The following CAST variants were observed in gnomAD, a reference collection of about 807,000 sequenced individuals.
CAST encodes the protein MIR583 host.
A neutral mutation model predicts 119.6 loss-of-function variants in CAST; 76 were observed. That is an observed-to-expected ratio of 0.64 (90% CI 0.53 to 0.77). CAST has a LOEUF of 0.77. Among genes scored for constraint, CAST ranks in the 30% least tolerant of loss-of-function variants. The pLI is 0.00. For missense variants in CAST, 953 were observed against 946.5 expected (o/e 1.01, Z -0.09); for synonymous variants, 319 against 331.6 (o/e 0.96, Z 0.41).
intron 1 of CAST, among the ~76,000 whole-genome samples, chr5:96,644,567 A>G (rs776909940): frequency 1.7e-4 from 26 of 152,226 alleles, no homozygotes; most frequent in Non-Finnish European, 3.2e-4. Context: ...TGCAGGTGGT[A>G]TGGAGAATCC....
the CAST span, among the ~76,000 whole-genome samples, chr5:96,481,337 A>C: frequency 1.3e-5 from 2 of 152,184 alleles, no homozygotes; most frequent in Admixed American, 1.3e-4. Context: ...TAGATCCTTT[A>C]AACACAGTTT....
intron 1 of CAST, among the ~76,000 whole-genome samples, chr5:96,589,124 C>T (rs1242220978): frequency 2.6e-5 from 4 of 152,024 alleles, no homozygotes; most frequent in African/African-American, 9.7e-5. Context: ...ATTTAATTTA[C>T]ATTACTCTAA....
chr5:96,088,497 T>C, the CAST span, among the ~76,000 whole-genome samples: 1 of 152,188 alleles, frequency 6.6e-6, no homozygotes, highest in South Asian at 2.1e-4. Context: ...AGAGAATGTG[T>C]GGCGGCAGAA....
chr5:96,363,473 A>C, the CAST span, among the ~76,000 whole-genome samples: 1 of 152,088 alleles, frequency 6.6e-6, no homozygotes, highest in Non-Finnish European at 1.5e-5. Flanking sequence ...ATGAGCATGG[A>C]GTGTTCTTCC....
At chr5:96,217,549 A>G in the CAST span, among the ~76,000 whole-genome samples, 1 of 152,140 alleles carries the variant, frequency 6.6e-6, no homozygotes, top group Admixed American at 6.6e-5. Context: ...GCAATGAAAA[A>G]GGCAAATTAT....
At chr5:96,620,033 C>G (rs1287830648) in intron 1 of CAST, among the ~76,000 whole-genome samples, 1 of 152,146 alleles carries the variant, frequency 6.6e-6, no homozygotes, top group East Asian at 1.9e-4. Context: ...AGAGACAATG[C>G]ATGTTAAATG....
the CAST span, among the ~76,000 whole-genome samples, chr5:96,477,759 C>T: frequency 5.9e-5 from 9 of 152,192 alleles, no homozygotes; most frequent in Middle Eastern, 3.4e-3. Context: ...TTGCAAGTGC[C>T]GTGTTGGAAC....
At chr5:95,965,518 C>T in the CAST span, among the ~76,000 whole-genome samples, 1 of 152,188 alleles carries the variant, frequency 6.6e-6, no homozygotes, top group Non-Finnish European at 1.5e-5. Context: ...AAGGCAATGG[C>T]TTCTGTTACA....
At chr5:96,579,773 A>C (rs966835535) in intron 1 of CAST, among the ~76,000 whole-genome samples, 2 of 152,230 alleles carry the variant, frequency 1.3e-5, no homozygotes, top group Admixed American at 1.3e-4. Flanking sequence ...ACAAATTTAC[A>C]ACATCTTGTC....
chr5:96,110,083 A>T, the CAST span, among the ~76,000 whole-genome samples: 8 of 152,216 alleles, frequency 5.3e-5, no homozygotes, highest in Non-Finnish European at 8.8e-5. Flanking sequence ...GTTGACTAAG[A>T]TACATCTCCA....
chr5:96,006,728 T>G, the CAST span, among the ~76,000 whole-genome samples: 3 of 152,224 alleles, frequency 2.0e-5, no homozygotes, highest in Non-Finnish European at 4.4e-5. Context: ...GGATTGACCT[T>G]GAAGCAAAAC....
At chr5:96,593,269 A>C (rs1336894799) in intron 1 of CAST, among the ~76,000 whole-genome samples, 1 of 152,282 alleles carries the variant, frequency 6.6e-6, no homozygotes. Context: ...TTGAAGCTTC[A>C]GCTCCAGCGT....
At position 96,766,087 on chromosome 5, in the gene CAST, G is replaced by A. The variant is rs1432572426; in HGVS notation, c.2072G>A (p.Gly691Glu). ...AAAGCTGAACATAGAGACAAGCTTG[G>A]AGAAAGAGATGACACTATCCCACCT... ...KAKAEHRDKL[G>E]ERDDTIPPEY... The change falls in exon 27 of 32, where the codon GGA becomes GAA. Residue 691 changes from glycine to glutamate, a missense_variant. By Grantham distance (98) the Gly-to-Glu change is moderately conservative. Transcript: ENST00000675179. 4.3e-6 allele frequency: 7 copies of A among 1,611,084 alleles called. No homozygotes were observed. In the Middle Eastern group the frequency reaches 4.9e-4, roughly 114 times the overall value.
At chr5:95,976,216 C>A in the CAST span, among the ~76,000 whole-genome samples, 2 of 151,042 alleles carry the variant, frequency 1.3e-5, no homozygotes, top group African/African-American at 4.9e-5. Flanking sequence ...TCCATCTGCC[C>A]ACATCAACCA....
At chr5:96,198,736 T>C in the CAST span, among the ~76,000 whole-genome samples, 2 of 152,198 alleles carry the variant, frequency 1.3e-5, no homozygotes, top group South Asian at 2.1e-4. Flanking sequence ...AAAAACCACA[T>C]GGAGCAAAAG....
chr5:96,659,677 C>T (rs188677078), upstream of CAST, among the ~76,000 whole-genome samples: 205 of 152,110 alleles, frequency 1.3e-3, no homozygotes, highest in Non-Finnish European at 2.4e-3. Flanking sequence ...TACAGGTGCG[C>T]GCCACCATGC....
the CAST span, among the ~76,000 whole-genome samples, chr5:96,476,699 A>G: frequency 1.3e-5 from 2 of 152,174 alleles, no homozygotes; most frequent in African/African-American, 4.8e-5. Flanking sequence ...ATATCCCTTA[A>G]GACAGTCCTC....
intron 2 of CAST, among the ~76,000 whole-genome samples, chr5:96,680,382 AGAAG>A (rs1298490623): frequency 2.3e-4 from 22 of 97,578 alleles, no homozygotes; most frequent in African/African-American, 9.6e-4. Context: ...AAAAAAAAGA[AGAAG>A]AAGAAAAGAA....
intron 1 of CAST, among the ~76,000 whole-genome samples, chr5:96,579,274 C>A (rs940584030): frequency 6.6e-6 from 1 of 152,164 alleles, no homozygotes; most frequent in African/African-American, 2.4e-5. Context: ...TGTCCCTGGG[C>A]AGGGTCCTGA....
Sources: allele counts gnomAD v4.1 joint callset (sites outside exome capture counted in the v4.1 genomes callset), GRCh38; gene constraint gnomAD v4.1.1; transcripts MANE v1.5; gene names NCBI Gene and HGNC (gene_info 2026-07-23, HGNC 2026-07-21).